The following CYP2J2 variants were observed in gnomAD, a reference collection of about 807,000 sequenced individuals.
The protein encoded by CYP2J2 is cytochrome P450 family 2 subfamily J member 2.
Under a neutral mutation model 48.8 loss-of-function variants are expected in CYP2J2, and 41 were observed. That is an observed-to-expected ratio of 0.84 (90% confidence interval 0.66 to 1.09). The LOEUF is 1.09. CYP2J2 is among the 50% of genes least tolerant of loss of function. CYP2J2 has a pLI of 0.00. For missense variants in CYP2J2, 644 were observed against 617.3 expected (o/e 1.04, Z -0.46); for synonymous variants, 221 against 227.1 (o/e 0.97, Z 0.24).
the CYP2J2 span, among the ~76,000 whole-genome samples, chr1:59,951,309 C>A: frequency 6.6e-6 from 1 of 152,116 alleles, no homozygotes; most frequent in Non-Finnish European, 1.5e-5. Flanking sequence ...GGTTTTATGT[C>A]CAATTCCCAC....
intron 8 of CYP2J2, among the ~76,000 whole-genome samples, chr1:59,900,293 G>C (rs975444647): frequency 2.0e-5 from 3 of 152,132 alleles, no homozygotes; most frequent in Admixed American, 6.5e-5. Context: ...TGAGTGGGCA[G>C]CCCTTAAAAA....
chr1:59,907,171 T>C (rs1191883473), intron 6 of CYP2J2, among the ~76,000 whole-genome samples: 1 of 152,150 alleles, frequency 6.6e-6, no homozygotes, highest in Non-Finnish European at 1.5e-5. Flanking sequence ...GCTAATAATT[T>C]CCTAGGGGAG....
chr1:59,893,962 A>G (rs1559070444), intron 8 of CYP2J2, 133 bp from the exon 9 acceptor site: 2 of 780,374 alleles, frequency 2.6e-6, no homozygotes, highest in East Asian at 5.1e-5. Flanking sequence ...TGTTATGGCC[A>G]GCAGCTTATT....
chr1:59,908,005 T>C, intron 5 of CYP2J2, 78 bp from the exon 6 acceptor site: 1 of 1,406,100 alleles, frequency 7.1e-7, no homozygotes, highest in Non-Finnish European at 9.9e-7. Flanking sequence ...AGGGGCTTCA[T>C]CCTAGGAGGA....
the CYP2J2 span, among the ~76,000 whole-genome samples, chr1:59,968,114 G>A: frequency 1.5e-3 from 228 of 152,284 alleles, 1 homozygote; most frequent in African/African-American, 5.1e-3. Flanking sequence ...AGGAGACAGA[G>A]ATAAATCTGA....
chr1:59,943,697 CAAAGGGTTGTAGGGAAAG>C, the CYP2J2 span, among the ~76,000 whole-genome samples: 1 of 150,822 alleles, frequency 6.6e-6, no homozygotes, highest in Non-Finnish European at 1.5e-5. Flanking sequence ...TTTCCCCCCA[CAAAGGGTTGTAGGGAAAG>C]AAGGGAAAGT....
intron 8 of CYP2J2, among the ~76,000 whole-genome samples, chr1:59,896,570 C>A (rs1644271513): frequency 6.6e-6 from 1 of 151,946 alleles, no homozygotes; most frequent in Non-Finnish European, 1.5e-5. Context: ...CCACAGCCAC[C>A]CTGTGCAGAC....
upstream of CYP2J2, among the ~76,000 whole-genome samples, chr1:59,928,659 A>G (rs536863032): frequency 6.6e-6 from 1 of 152,290 alleles, no homozygotes; most frequent in South Asian, 2.1e-4. Context: ...TCCAGCCCTG[A>G]CTTGTAAGGC....
chr1:59,927,388 G>A (rs1644576387), upstream of CYP2J2, among the ~76,000 whole-genome samples: 1 of 152,024 alleles, frequency 6.6e-6, no homozygotes, highest in South Asian at 2.1e-4. Context: ...TCCGATCCTT[G>A]CTGGTTTGCT....
intron 8 of CYP2J2, among the ~76,000 whole-genome samples, chr1:59,897,093 G>A (rs370913826): frequency 6.6e-6 from 1 of 152,102 alleles, no homozygotes; most frequent in African/African-American, 2.4e-5. Context: ...TGGTTATGTC[G>A]TTATATTATT....
chr1:59,895,304 G>T (rs1402464553), intron 8 of CYP2J2, among the ~76,000 whole-genome samples: 1 of 152,152 alleles, frequency 6.6e-6, no homozygotes, highest in Non-Finnish European at 1.5e-5. Flanking sequence ...CACGGCTTTG[G>T]CCTTTTTAAA....
intron 7 of CYP2J2, among the ~76,000 whole-genome samples, chr1:59,903,404 A>G (rs1460263748): frequency 6.6e-6 from 1 of 152,244 alleles, no homozygotes; most frequent in Non-Finnish European, 1.5e-5. Flanking sequence ...GAGTGACATC[A>G]GAATTCTGTT....
intron 1 of CYP2J2, among the ~76,000 whole-genome samples, chr1:59,925,355 A>G (rs992268493): frequency 1.3e-5 from 2 of 152,186 alleles, no homozygotes; most frequent in African/African-American, 4.8e-5. Flanking sequence ...CAATTATTCC[A>G]CCCAACAATA....
upstream of CYP2J2, among the ~76,000 whole-genome samples, chr1:59,930,069 C>T (rs2102146928): frequency 6.6e-6 from 1 of 152,178 alleles, no homozygotes; most frequent in South Asian, 2.1e-4. Flanking sequence ...TAACGGCCGA[C>T]TTGTAATTAG....
At chr1:59,952,700 G>T in the CYP2J2 span, among the ~76,000 whole-genome samples, 3 of 152,106 alleles carry the variant, frequency 2.0e-5, no homozygotes, top group Non-Finnish European at 4.4e-5. Flanking sequence ...CTCCATCAAT[G>T]TATAGCAAAT....
At chr1:59,952,853 T>G in the CYP2J2 span, among the ~76,000 whole-genome samples, 307 of 152,278 alleles carry the variant, frequency 2.0e-3, 1 homozygote, top group African/African-American at 7.0e-3. Flanking sequence ...ACCTATCTTT[T>G]GTTTGCATGA....
the CYP2J2 span, among the ~76,000 whole-genome samples, chr1:59,954,107 C>T: frequency 6.6e-6 from 1 of 152,158 alleles, no homozygotes; most frequent in African/African-American, 2.4e-5. Context: ...CTTTCTACTT[C>T]CCCCATCCTG....
the CYP2J2 span, among the ~76,000 whole-genome samples, chr1:59,954,591 G>GGC: frequency 2.7e-5 from 4 of 147,856 alleles, no homozygotes; most frequent in Admixed American, 2.0e-4. Context: ...GGTGGGTCGG[G>GGC]GGGGGATGCA....
the CYP2J2 span, among the ~76,000 whole-genome samples, chr1:59,954,057 A>G: frequency 2.0e-5 from 3 of 152,168 alleles, no homozygotes; most frequent in Admixed American, 1.3e-4. Context: ...AACATATGTC[A>G]TGCTTCAGTA....
Sources: allele counts gnomAD v4.1 joint callset (sites outside exome capture counted in the v4.1 genomes callset), GRCh38; gene constraint gnomAD v4.1.1; transcripts MANE v1.5; gene names NCBI Gene and HGNC (gene_info 2026-07-23, HGNC 2026-07-21).